BNC2: variants seen among roughly 807,000 people sequenced by gnomAD.
The protein encoded by BNC2 is zinc finger protein basonuclin-2.
In BNC2, 20 loss-of-function variants were observed where a neutral mutation model predicts 76.3. The ratio of observed to expected loss-of-function variants is 0.26; its 90% CI spans 0.18 to 0.38. BNC2 has a LOEUF of 0.38. Among genes scored for constraint, BNC2 ranks in the 10% least tolerant of loss-of-function variants. The pLI, the probability that BNC2 is intolerant of heterozygous loss-of-function variation, is 1.00. For missense variants in BNC2, 1,382 were observed against 1,399.8 expected (o/e 0.99, Z 0.20); for synonymous variants, 582 against 514.8 (o/e 1.13, Z -1.77).
At chr9:16,458,080 T>A (rs1012325949) in intron 5 of BNC2, among the ~76,000 whole-genome samples, 11 of 152,126 alleles carry the variant, frequency 7.2e-5, no homozygotes, top group African/African-American at 2.7e-4. Flanking sequence ...TAGTGCCCTC[T>A]ACGGTGTCCA....
chr9:16,429,193 G>A (rs1168990450), intron 6 of BNC2: 1 of 152,112 alleles, frequency 6.6e-6, no homozygotes, highest in Non-Finnish European at 1.5e-5. Context: ...CCTTCACTAT[G>A]GCATTTAGGC....
chr9:16,773,770 C>T (rs1825890947), intron 1 of BNC2, among the ~76,000 whole-genome samples: 1 of 152,132 alleles, frequency 6.6e-6, no homozygotes, highest in South Asian at 2.1e-4. Flanking sequence ...TGTAGCCTCA[C>T]CTTTCATACA....
intron 1 of BNC2, among the ~76,000 whole-genome samples, chr9:16,751,646 G>GTATATATA (rs1563926924): frequency 1.1e-3 from 9 of 8,568 alleles, no homozygotes; most frequent in East Asian, 6.4e-3. Flanking sequence ...ATATATGTAT[G>GTATATATA]TGTGTATATA....
rs1338461532 is a variant in BNC2, at chr9:16,418,642, C to G, written c.*347G>C. The G allele has an allele frequency of 9.7e-6, 2 of 207,128 alleles. No individual in the cohort carries two copies. Among genetic ancestry groups the G allele is most frequent in the Non-Finnish European group, 9.4e-6 (1 of 105,950 alleles). 12.8% of individuals were successfully genotyped at this position (207,128 alleles called of 1,614,324 possible). A position where few individuals can be genotyped will look rare whatever the true frequency, so the allele number is the denominator to read the frequency against. On this transcript the variant is annotated 3_prime_UTR_variant, in exon 7 of 7. Coordinates refer to ENST00000380672, the MANE Select transcript of BNC2 (RefSeq NM_017637.6). ...TGGGGAAGACCAAGAATTATTCTGTCAAAACTGGGGCTAGTTGCACACTGT... is the reference window on the plus strand; with the variant it reads ...TGGGGAAGACCAAGAATTATTCTGTGAAAACTGGGGCTAGTTGCACACTGT...
intron 1 of BNC2, among the ~76,000 whole-genome samples, chr9:16,839,455 TA>T (rs1360524354): frequency 2.0e-5 from 3 of 152,204 alleles, no homozygotes; most frequent in Non-Finnish European, 4.4e-5. Flanking sequence ...TAAAATGCCC[TA>T]TACCAAATAT....
intron 5 of BNC2, among the ~76,000 whole-genome samples, chr9:16,452,825 T>A (rs990455603): frequency 6.6e-6 from 1 of 152,206 alleles, no homozygotes; most frequent in African/African-American, 2.4e-5. Context: ...TTCCCCTCCT[T>A]CCTGCAATTT....
At position 16,568,554 on chromosome 9, in the gene BNC2, G is replaced by A. The variant is rs73419433; in HGVS notation, c.433+14429C>T. 8.8e-3 allele frequency among the ~76,000 whole-genome samples: 1,335 copies of A among 152,140 alleles called. 27 individuals are homozygous for A. Among genetic ancestry groups the A allele is most frequent in the African/African-American group, 0.031 (1,270 of 41,498 alleles). On this transcript the variant is annotated intron_variant, in intron 4 of 6. Coordinates refer to ENST00000380672, the MANE Select transcript of BNC2 (RefSeq NM_017637.6). Reference sequence around the variant, plus strand: ...TTCCACAGGTTTAATGGGATTTTGCGTATTTAGAATTTCATCATAAAGGGG... The same window carrying A: ...TTCCACAGGTTTAATGGGATTTTGCATATTTAGAATTTCATCATAAAGGGG...
At chr9:16,769,506 G>A (rs372903479) in intron 1 of BNC2, among the ~76,000 whole-genome samples, 44 of 152,256 alleles carry the variant, frequency 2.9e-4, no homozygotes, top group African/African-American at 8.2e-4. Flanking sequence ...AATCAGGGAC[G>A]GAATCATTGC....
intron 5 of BNC2, among the ~76,000 whole-genome samples, chr9:16,501,575 T>C (rs1390790846): frequency 6.6e-6 from 1 of 152,184 alleles, no homozygotes; most frequent in Non-Finnish European, 1.5e-5. Context: ...CAGAGCCTAA[T>C]ACATGCTTTT....
At chr9:16,483,879 G>A (rs1316672086) in intron 5 of BNC2, among the ~76,000 whole-genome samples, 1 of 152,136 alleles carries the variant, frequency 6.6e-6, no homozygotes, top group African/African-American at 2.4e-5. Flanking sequence ...GCATGACCCT[G>A]TCCTAAAGCT....
chr9:16,548,258 AATCACCCGT>A (rs1818549702), intron 5 of BNC2, among the ~76,000 whole-genome samples: 1 of 152,134 alleles, frequency 6.6e-6, no homozygotes, highest in Non-Finnish European at 1.5e-5. Context: ...CAACAATGAT[AATCACCCGT>A]ATTCTTATTT....
intron 5 of BNC2, among the ~76,000 whole-genome samples, chr9:16,457,959 C>A (rs1031236007): frequency 6.6e-6 from 1 of 152,156 alleles, no homozygotes; most frequent in Non-Finnish European, 1.5e-5. Flanking sequence ...GTGATGGTGG[C>A]TCTAGGTGGC....
intron 3 of BNC2, among the ~76,000 whole-genome samples, chr9:16,700,164 A>G (rs1283092192): frequency 6.6e-6 from 1 of 152,224 alleles, no homozygotes; most frequent in African/African-American, 2.4e-5. Context: ...TCAGTTAGAC[A>G]TAAAACTGTG....
intron 5 of BNC2, among the ~76,000 whole-genome samples, chr9:16,539,298 T>C (rs1437854253): frequency 1.3e-5 from 2 of 151,960 alleles, no homozygotes; most frequent in South Asian, 2.1e-4. Flanking sequence ...GGTGGGCAGA[T>C]GGCTTGAGGT....
chr9:16,769,938 C>T (rs538763781), intron 1 of BNC2, among the ~76,000 whole-genome samples: 1 of 152,108 alleles, frequency 6.6e-6, no homozygotes, highest in African/African-American at 2.4e-5. Context: ...TCCGGAATTA[C>T]AGAGAAATTT....
intron 5 of BNC2, among the ~76,000 whole-genome samples, chr9:16,520,419 G>T (rs1262538054): frequency 3.9e-5 from 6 of 152,132 alleles, no homozygotes; most frequent in Non-Finnish European, 7.4e-5. Flanking sequence ...AAATCGAGAA[G>T]GAAAGGAACT....
At chr9:16,673,437 A>ACAC (rs569566249) in intron 3 of BNC2, among the ~76,000 whole-genome samples, 1 of 143,694 alleles carries the variant, frequency 7.0e-6, no homozygotes, top group African/African-American at 2.7e-5. Context: ...ATTTAAAAAA[A>ACAC]AAAAAAACAC....
chr9:16,835,347 T>C (rs1011761626), intron 1 of BNC2, among the ~76,000 whole-genome samples: 2 of 152,226 alleles, frequency 1.3e-5, no homozygotes, highest in Non-Finnish European at 2.9e-5. Context: ...ATGAGTTAGG[T>C]ACCATTATTA....
intron 4 of BNC2, among the ~76,000 whole-genome samples, chr9:16,580,805 T>C (rs970314900): frequency 2.0e-5 from 3 of 152,212 alleles, no homozygotes; most frequent in African/African-American, 7.2e-5. Flanking sequence ...CATTTTACTT[T>C]TAATATGTAT....
Sources: allele counts gnomAD v4.1 joint callset (sites outside exome capture counted in the v4.1 genomes callset), GRCh38; gene constraint gnomAD v4.1.1; transcripts MANE v1.5; gene names NCBI Gene and HGNC (gene_info 2026-07-23, HGNC 2026-07-21).